Variants in GPC6 observed in about 807,000 individuals in gnomAD.
GPC6 encodes the protein glypican 6, also known as glypican-6.
Under a neutral mutation model 55.2 loss-of-function variants are expected in GPC6, and 14 were observed. The observed-to-expected ratio is 0.25, with a 90% CI of 0.17 to 0.40. The LOEUF (loss-of-function observed/expected upper bound fraction) is 0.40, where lower values mean the gene tolerates loss of function less well. GPC6 is among the 10% of genes least tolerant of loss of function. GPC6 has a pLI of 1.00. For missense variants in GPC6, 641 were observed against 708.5 expected (o/e 0.90, Z 1.08); for synonymous variants, 278 against 259.6 (o/e 1.07, Z -0.68).
intron 2 of GPC6, among the ~76,000 whole-genome samples, chr13:93,648,804 TA>T (rs1880286173): frequency 6.6e-6 from 1 of 152,190 alleles, no homozygotes; most frequent in African/African-American, 2.4e-5. Flanking sequence ...AGAAGGTACC[TA>T]AAATTAATGT....
At chr13:94,204,218 A>C (rs1297030274) in intron 4 of GPC6, among the ~76,000 whole-genome samples, 1 of 152,166 alleles carries the variant, frequency 6.6e-6, no homozygotes, top group Non-Finnish European at 1.5e-5. Context: ...TAATACATAA[A>C]TACTTTAAGC....
intron 1 of GPC6, among the ~76,000 whole-genome samples, chr13:93,344,194 T>G (rs1042008666): frequency 8.5e-5 from 13 of 152,186 alleles, no homozygotes; most frequent in Admixed American, 4.6e-4. Context: ...AGCCTTTTCA[T>G]CTTTGCTGTT....
intron 8 of GPC6, among the ~76,000 whole-genome samples, chr13:94,401,883 G>A (rs1229852739): frequency 6.6e-6 from 1 of 152,160 alleles, no homozygotes; most frequent in African/African-American, 2.4e-5. Flanking sequence ...AGTGAGTTAT[G>A]ATGGCGCCAC....
At chr13:94,257,068 A>G (rs1002988084) in intron 4 of GPC6, among the ~76,000 whole-genome samples, 1 of 152,194 alleles carries the variant, frequency 6.6e-6, no homozygotes, top group African/African-American at 2.4e-5. Context: ...GTTTCTTTTG[A>G]CATATAGCTA....
At chr13:94,044,242 T>G (rs1001573786) in intron 4 of GPC6, among the ~76,000 whole-genome samples, 2 of 152,010 alleles carry the variant, frequency 1.3e-5, no homozygotes, top group Admixed American at 6.6e-5. Flanking sequence ...GTGTATTTGA[T>G]TATATTTCCT....
intron 3 of GPC6, among the ~76,000 whole-genome samples, chr13:93,922,304 C>G (rs975469983): frequency 2.6e-5 from 4 of 151,960 alleles, no homozygotes; most frequent in African/African-American, 9.7e-5. Flanking sequence ...GGCTATGTAT[C>G]CTCTTAACAA....
intron 3 of GPC6, among the ~76,000 whole-genome samples, chr13:93,983,790 A>AG (rs1424946851): frequency 6.6e-6 from 1 of 151,698 alleles, no homozygotes; most frequent in East Asian, 1.9e-4. Flanking sequence ...TTGTTAAAAA[A>AG]AAAAAAAGCA....
chr13:94,281,940 CAG>C (rs1470065018), intron 4 of GPC6, among the ~76,000 whole-genome samples: 1 of 152,188 alleles, frequency 6.6e-6, no homozygotes, highest in Non-Finnish European at 1.5e-5. Flanking sequence ...TGTTTGTAAT[CAG>C]AGGGGACATC....
At chr13:93,357,239 G>T (rs4771871) in intron 1 of GPC6, among the ~76,000 whole-genome samples, 9,280 of 152,164 alleles carry the variant, frequency 0.061, 399 homozygotes, top group East Asian at 0.12. Context: ...TTCGCTGCAG[G>T]TTATGTTAGC....
At chr13:93,417,280 A>G (rs1303572393) in intron 1 of GPC6, among the ~76,000 whole-genome samples, 1 of 152,076 alleles carries the variant, frequency 6.6e-6, no homozygotes, top group Admixed American at 6.6e-5. Context: ...GCCTTGGAGT[A>G]ATGTTAAGTT....
rs1465105668 is a variant in GPC6, at chr13:93,579,023, A to G, written c.319+33602A>G. On this transcript the variant is annotated intron_variant, in intron 2 of 8. Coordinates refer to ENST00000377047, the MANE Select transcript of GPC6 (RefSeq NM_005708.5). Reference sequence around the variant, plus strand: ...AACACAGAACATATTATATGTTCTCATTTATATGTTGGAGCTAAAAAACTA... The same window carrying G: ...AACACAGAACATATTATATGTTCTCGTTTATATGTTGGAGCTAAAAAACTA... 4.6e-5 allele frequency among the ~76,000 whole-genome samples: 7 copies of G among 152,272 alleles called. 1 individual carries two copies. In the East Asian group the frequency reaches 1.4e-3, roughly 29 times the overall value.
rs554237742 is a variant in GPC6, at chr13:93,923,520, CCTGT to C, written c.711+92978_711+92981del. On this transcript the variant is annotated intron_variant, in intron 3 of 8. Coordinates refer to ENST00000377047, the MANE Select transcript of GPC6 (RefSeq NM_005708.5). ...AAAAATTTAACTACCATTCTAGGTACCTGTCTATTTTTTAAACAATCAATAGCCA... is the reference window on the plus strand; with the variant it reads ...AAAAATTTAACTACCATTCTAGGTACCTATTTTTTAAACAATCAATAGCCA... Among the ~76,000 whole-genome samples, 30 of 152,098 alleles carry C rather than the reference CCTGT, an allele frequency of 2.0e-4. 1 individual carries two copies. In the South Asian group the frequency reaches 6.2e-3, roughly 32 times the overall value.
intron 3 of GPC6, among the ~76,000 whole-genome samples, chr13:93,878,465 C>T (rs1285723444): frequency 6.8e-6 from 1 of 146,934 alleles, no homozygotes; most frequent in Non-Finnish European, 1.5e-5. Flanking sequence ...CAACAACCAC[C>T]ATCTCCTGGG....
In GPC6 at chr13:94,230,495, G is replaced by A. The variant is rs149557675; in HGVS notation, c.878-55854G>A. Among the ~76,000 whole-genome samples, 8 of 152,218 alleles carry A rather than the reference G, an allele frequency of 5.3e-5. 1 individual carries two copies. In the East Asian group the frequency reaches 7.8e-4, roughly 15 times the overall value. ...CAGTCCCATCCTTGACTCCTGACAC[G>A]TGTGCCAGAGACACTCTCCTCACAC... On this transcript the variant is annotated intron_variant, in intron 4 of 8. Transcript: ENST00000377047.
In GPC6 at chr13:94,269,661, T is replaced by G. The variant is rs139594264; in HGVS notation, c.878-16688T>G. Among the ~76,000 whole-genome samples, 1,115 of 152,280 alleles carry G rather than the reference T, an allele frequency of 7.3e-3. 8 individuals carry two copies. Among genetic ancestry groups the G allele is most frequent in the African/African-American group, 0.024 (991 of 41,546 alleles). On this transcript the variant is annotated intron_variant, in intron 4 of 8. Transcript: ENST00000377047. ...CCACCTGCGTCTTTCACTCTGACAC[T>G]GAACACCTGTGTCCACTTTTGTCCC...
In GPC6 at chr13:93,668,863, G is replaced by A. The variant is rs557654516; in HGVS notation, c.319+123442G>A. 1.1e-4 allele frequency among the ~76,000 whole-genome samples: 16 copies of A among 152,278 alleles called. No homozygotes were observed. The South Asian group carries it at 2.5e-3, about 24-fold the overall frequency. On this transcript the variant is annotated intron_variant, in intron 2 of 8. Transcript: ENST00000377047. ...AAGAAACTCATACAGCTAGTAAAAC[G>A]TAGGCTGCTTACCTGGAAACACTTA...
chr13:93,528,252 T>C (rs1296369795), intron 1 of GPC6, among the ~76,000 whole-genome samples: 1 of 152,214 alleles, frequency 6.6e-6, no homozygotes, highest in East Asian at 1.9e-4. Flanking sequence ...ATTAGTTTAT[T>C]GTATATCACC....
chr13:93,267,874 G>A (rs1287715010), intron 1 of GPC6, among the ~76,000 whole-genome samples: 2 of 152,178 alleles, frequency 1.3e-5, no homozygotes, highest in African/African-American at 2.4e-5. Flanking sequence ...ATGCTTAGAT[G>A]GGCAGACATG....
intron 1 of GPC6, among the ~76,000 whole-genome samples, chr13:93,356,062 G>T (rs1880839934): frequency 1.3e-5 from 2 of 152,106 alleles, no homozygotes; most frequent in African/African-American, 2.4e-5. Context: ...TCCTGAACTT[G>T]TATCCAAGGC....
Sources: gnomAD v4.1 joint callset for allele counts (sites outside exome capture counted in the v4.1 genomes callset) on GRCh38, gnomAD v4.1.1 for gene constraint, MANE v1.5 for transcripts, NCBI Gene and HGNC (gene_info 2026-07-23, HGNC 2026-07-21) for gene names.